The following SOX5 variants were observed in gnomAD, a reference collection of about 807,000 sequenced individuals.
SOX5 encodes the protein SRY-box transcription factor 5.
In SOX5, 9 loss-of-function variants were observed where a neutral mutation model predicts 92.0. The ratio of observed to expected loss-of-function variants is 0.10; its 90% confidence interval spans 0.06 to 0.17. The LOEUF is 0.17. Among genes scored for constraint, SOX5 ranks in the 10% least tolerant of loss-of-function variants. The pLI, the probability that SOX5 is intolerant of heterozygous loss-of-function variation, is 1.00. For synonymous variants in SOX5, 344 were observed against 336.3 expected, an observed-to-expected ratio of 1.02 and a Z score of -0.25; for missense variants, 642 against 944.5, an observed-to-expected ratio of 0.68 and a Z score of 4.20.
chr12:24,035,136 C>T (rs182644645), intron 4 of SOX5, among the ~76,000 whole-genome samples: 133 of 152,132 alleles, frequency 8.7e-4, no homozygotes, highest in Middle Eastern at 6.8e-3. Flanking sequence ...GCAGTGACGC[C>T]CTTTGTGAGC....
chr12:23,896,005 C>G lies in SOX5; in HGVS notation c.58G>C (p.Ala20Pro). Residue 20 changes from alanine to proline, a missense_variant, in exon 2 of 15, where the codon GCC becomes CCC. Ala to Pro is a conservative substitution (Grantham distance 27). Coordinates refer to ENST00000451604, the MANE Select transcript of SOX5 (RefSeq NM_006940.6). The part of the protein sequence containing the change: ...EFERMSSKRP[A>P]SPYGEADGEV... ...CCATCTGCTTCCCCATACGGAGAGG[C>G]TGGTCGCTTGGAAGACATCCTGGAA... The G allele has an allele frequency of 6.2e-7, 1 of 1,613,600 alleles. No homozygotes were observed. The highest frequency in any genetic ancestry group is 1.1e-5 in the South Asian group (1 of 91,070).
intron 1 of SOX5, among the ~76,000 whole-genome samples, chr12:23,923,890 A>G (rs1939184045): frequency 6.6e-6 from 1 of 152,186 alleles, no homozygotes; most frequent in South Asian, 2.1e-4. Flanking sequence ...ACCATTATAT[A>G]ACCTTCTTTA....
intron 4 of SOX5, among the ~76,000 whole-genome samples, chr12:24,004,606 G>A: frequency 6.6e-6 from 1 of 152,106 alleles, no homozygotes; most frequent in East Asian, 1.9e-4. Flanking sequence ...ATTTTAAGAA[G>A]ACAGACAATA....
intron 1 of SOX5, among the ~76,000 whole-genome samples, chr12:24,505,848 T>C (rs1156752951): frequency 7.1e-6 from 1 of 141,088 alleles, no homozygotes; most frequent in Non-Finnish European, 1.5e-5. Flanking sequence ...TGTGTGTGTG[T>C]GTGTGCGTGT....
At chr12:24,244,132 G>A (rs1238759847) in intron 3 of SOX5, among the ~76,000 whole-genome samples, 1 of 151,996 alleles carries the variant, frequency 6.6e-6, no homozygotes, top group Non-Finnish European at 1.5e-5. Context: ...AAAAGGCTGG[G>A]GAAGAAGAAA....
chr12:24,453,030 G>C (rs1189875322), intron 1 of SOX5, among the ~76,000 whole-genome samples: 2 of 152,108 alleles, frequency 1.3e-5, no homozygotes, highest in Non-Finnish European at 2.9e-5. Flanking sequence ...TGCATTTAAA[G>C]TACCTTCTTC....
chr12:23,852,419 C>G lies in SOX5; in HGVS notation c.271-6226G>C, dbSNP rs555373389. ...ATTATACTTCAAAAATATAATCCAG[C>G]CCGTATTTCAAACATTTCTTATGTA... On this transcript the variant is annotated intron_variant, in intron 2 of 14. Transcript: ENST00000451604. 6.6e-4 allele frequency among the ~76,000 whole-genome samples: 101 copies of G among 152,060 alleles called. 2 individuals carry two copies. The highest frequency in any genetic ancestry group is 3.5e-3 in the Admixed American group (54 of 15,256).
intron 1 of SOX5, among the ~76,000 whole-genome samples, chr12:24,377,120 C>T (rs1048331631): frequency 3.3e-5 from 5 of 152,142 alleles, no homozygotes; most frequent in African/African-American, 1.2e-4. Context: ...ACCAATATGC[C>T]AACTACAGCC....
chr12:23,550,388 A>G (rs550927867), intron 11 of SOX5, among the ~76,000 whole-genome samples: 1 of 152,070 alleles, frequency 6.6e-6, no homozygotes, highest in Non-Finnish European at 1.5e-5. Context: ...AATTTGTAAA[A>G]TGATAGTTAA....
intron 4 of SOX5, among the ~76,000 whole-genome samples, chr12:24,081,236 C>A (rs1943293139): frequency 6.6e-6 from 1 of 151,782 alleles, no homozygotes; most frequent in Non-Finnish European, 1.5e-5. Flanking sequence ...TCACTCCTTG[C>A]AAAAAAATGC....
intron 2 of SOX5, among the ~76,000 whole-genome samples, chr12:23,892,602 T>A (rs1420751251): frequency 6.6e-6 from 1 of 152,216 alleles, no homozygotes; most frequent in Non-Finnish European, 1.5e-5. Context: ...AGAGGTTGAA[T>A]GTTTGAGATC....
chr12:23,911,829 C>T (rs1759116942), intron 1 of SOX5, among the ~76,000 whole-genome samples: 1 of 152,106 alleles, frequency 6.6e-6, no homozygotes, highest in African/African-American at 2.4e-5. Flanking sequence ...TATGTAAGAG[C>T]TAAAACCATA....
At chr12:24,234,913 G>C (rs1964150572) in intron 3 of SOX5, among the ~76,000 whole-genome samples, 1 of 152,082 alleles carries the variant, frequency 6.6e-6, no homozygotes, top group Admixed American at 6.5e-5. Context: ...CACAAGCCAA[G>C]ATTGCGGCTA....
chr12:23,686,866 T>C (rs1004380352), intron 6 of SOX5, among the ~76,000 whole-genome samples: 2 of 152,004 alleles, frequency 1.3e-5, no homozygotes, highest in East Asian at 3.9e-4. Context: ...AAAACATGGT[T>C]CACTACGTCC....
intron 4 of SOX5, among the ~76,000 whole-genome samples, chr12:23,968,913 A>C (rs1014251449): frequency 2.6e-5 from 4 of 152,110 alleles, no homozygotes; most frequent in Non-Finnish European, 4.4e-5. Context: ...TTTATCTGTT[A>C]GTTTTGTCTA....
At chr12:23,680,549 T>C (rs1007689124) in intron 6 of SOX5, among the ~76,000 whole-genome samples, 1 of 151,616 alleles carries the variant, frequency 6.6e-6, no homozygotes, top group Non-Finnish European at 1.5e-5. Flanking sequence ...TGGTCAAAAA[T>C]TTTAGGAGAA....
chr12:23,901,783 A>G (rs945586009), intron 1 of SOX5, among the ~76,000 whole-genome samples: 1 of 152,238 alleles, frequency 6.6e-6, no homozygotes, highest in Non-Finnish European at 1.5e-5. Flanking sequence ...ATAGTCTTCC[A>G]GTGTACATGT....
chr12:24,428,212 C>CA (rs75812981), intron 1 of SOX5, among the ~76,000 whole-genome samples: 27,374 of 133,794 alleles, frequency 0.2, 2,508 homozygotes, highest in Middle Eastern at 0.27. Flanking sequence ...ACCCAAAAAC[C>CA]AAAAAAAAAA....
intron 4 of SOX5, among the ~76,000 whole-genome samples, chr12:23,956,983 A>T (rs1946363571): frequency 6.6e-6 from 1 of 152,152 alleles, no homozygotes; most frequent in South Asian, 2.1e-4. Context: ...CTAAGTCTTT[A>T]ATGTCTCAGA....
Sources: allele counts gnomAD v4.1 joint callset (sites outside exome capture counted in the v4.1 genomes callset), GRCh38; gene constraint gnomAD v4.1.1; transcripts MANE v1.5; gene names NCBI Gene and HGNC (gene_info 2026-07-23, HGNC 2026-07-21).